The following NSRP1 variants were observed in gnomAD, a reference collection of about 807,000 sequenced individuals.
NSRP1 encodes the protein nuclear speckle splicing regulatory protein 1.
Under a neutral mutation model 54.7 loss-of-function variants are expected in NSRP1, and 24 were observed. The ratio of observed to expected loss-of-function variants is 0.44; its 90% CI spans 0.32 to 0.62. The LOEUF (loss-of-function observed/expected upper bound fraction) is 0.62, where lower values mean the gene tolerates loss of function less well. Ranked by LOEUF, NSRP1 falls within the 20% of genes least tolerant of loss-of-function variation. The probability of loss-of-function intolerance (pLI) is 0.06; values close to 1 mark genes in which losing one functional copy is unlikely to be tolerated. For synonymous variants in NSRP1, 210 were observed against 213.8 expected, an observed-to-expected ratio of 0.98 and a Z score of 0.15; for missense variants, 596 against 651.2, an observed-to-expected ratio of 0.92 and a Z score of 0.92.
At chr17:30,134,997 G>T (rs555628214) in intron 2 of NSRP1, among the ~76,000 whole-genome samples, 4 of 150,716 alleles carry the variant, frequency 2.7e-5, no homozygotes, top group African/African-American at 9.7e-5. Flanking sequence ...CCATTGTCCG[G>T]ATATATATAT....
At chr17:30,177,497 G>GA (rs1905164832) in intron 3 of NSRP1, among the ~76,000 whole-genome samples, 1 of 152,112 alleles carries the variant, frequency 6.6e-6, no homozygotes, top group African/African-American at 2.4e-5. Context: ...GGCTGGCCCT[G>GA]AAACACTGGG....
At chr17:30,142,175 G>A (rs2151888469) in intron 2 of NSRP1, among the ~76,000 whole-genome samples, 1 of 151,890 alleles carries the variant, frequency 6.6e-6, no homozygotes, top group African/African-American at 2.4e-5. Context: ...CTTTCTCACT[G>A]GTCTACATGA....
intron 2 of NSRP1, among the ~76,000 whole-genome samples, chr17:30,152,177 C>T (rs1420773580): frequency 6.6e-6 from 1 of 151,792 alleles, no homozygotes; most frequent in African/African-American, 2.4e-5. Context: ...GGCTGGAGTG[C>T]AGTGGCGCGA....
chr17:30,180,966 T>C lies in NSRP1; in HGVS notation c.567T>C (p.Asn189=). 6.2e-7 allele frequency: 1 copy of C among 1,613,844 alleles called. No individual in the cohort carries two copies. Among genetic ancestry groups the C allele is most frequent in the South Asian group, 1.1e-5 (1 of 91,072 alleles). The part of the protein sequence containing the change: ...DLSGFYRHLL[N]QAVGEEEVPK... ...GTGGATTTTATAGGCACCTATTAAATCAAGCAGTTGGTGAAGAGGAAGTAC... is the reference window on the plus strand; with the variant it reads ...GTGGATTTTATAGGCACCTATTAAACCAAGCAGTTGGTGAAGAGGAAGTAC... The change falls in exon 6 of 7, where the codon AAT becomes AAC. Residue 189 remains asparagine (N), a synonymous_variant. Coordinates refer to ENST00000247026, the MANE Select transcript of NSRP1 (RefSeq NM_032141.4).
intron 2 of NSRP1, among the ~76,000 whole-genome samples, chr17:30,156,019 T>C (rs1327298144): frequency 6.6e-6 from 1 of 151,894 alleles, no homozygotes; most frequent in Non-Finnish European, 1.5e-5. Flanking sequence ...TTTATACTTT[T>C]AGTAGAGACA....
At chr17:30,170,570 A>G (rs1597617351) in intron 2 of NSRP1, among the ~76,000 whole-genome samples, 1 of 152,120 alleles carries the variant, frequency 6.6e-6, no homozygotes, top group South Asian at 2.1e-4. Flanking sequence ...ACCATGTAGC[A>G]TAATGTCCTC....
intron 2 of NSRP1, among the ~76,000 whole-genome samples, chr17:30,157,266 C>G (rs1904342645): frequency 6.6e-6 from 1 of 151,958 alleles, no homozygotes; most frequent in Non-Finnish European, 1.5e-5. Flanking sequence ...TTTTATATAC[C>G]TGTTGGCTAC....
intron 3 of NSRP1, among the ~76,000 whole-genome samples, chr17:30,174,397 C>G (rs761949107): frequency 6.6e-6 from 1 of 152,104 alleles, no homozygotes; most frequent in Non-Finnish European, 1.5e-5. Context: ...TTTATCCATA[C>G]GAATTGAAAT....
At chr17:30,160,490 C>A (rs1006487587) in intron 2 of NSRP1, among the ~76,000 whole-genome samples, 1 of 152,034 alleles carries the variant, frequency 6.6e-6, no homozygotes, top group Admixed American at 6.5e-5. Flanking sequence ...GTTGTTTGTT[C>A]AGGTTTTCTG....
At chr17:30,143,789 A>G (rs1350016004) in intron 2 of NSRP1, among the ~76,000 whole-genome samples, 1 of 152,162 alleles carries the variant, frequency 6.6e-6, no homozygotes, top group Non-Finnish European at 1.5e-5. Flanking sequence ...CAGTAGGGTG[A>G]CTAGTCAATA....
intron 2 of NSRP1, among the ~76,000 whole-genome samples, chr17:30,164,020 TGTGTGTGTGC>T (rs61035514): frequency 0.022 from 3,288 of 152,158 alleles, 89 homozygotes; most frequent in African/African-American, 0.071. Flanking sequence ...AATGTGTATG[TGTGTGTGTGC>T]GTGTGTGCGA....
chr17:30,128,442 G>A (rs1227435766), intron 2 of NSRP1, among the ~76,000 whole-genome samples: 1 of 151,970 alleles, frequency 6.6e-6, no homozygotes, highest in East Asian at 1.9e-4. Flanking sequence ...TTTTAAAAAT[G>A]AAATGGCAAG....
intron 2 of NSRP1, chr17:30,154,710 T>A (rs2071945131): frequency 6.8e-6 from 1 of 146,736 alleles, no homozygotes; most frequent in Admixed American, 6.9e-5. Flanking sequence ...AGACCCTGTC[T>A]CAAAAAAAAA....
At position 30,118,123 on chromosome 17, in the gene NSRP1, G is replaced by C; in HGVS notation, c.64G>C (p.Val22Leu). The C allele has an allele frequency of 6.2e-7, 1 of 1,613,820 alleles. No individual in the cohort carries two copies. The highest frequency in any genetic ancestry group is 8.5e-7 in the Non-Finnish European group (1 of 1,179,856). ...AAAGAAAACACAGCAGTTGCACCCT[G>C]TTTTGCAAAAACCATCAGTGTTTGG... ...LPKKTQQLHP[V>L]LQKPSVFGND... Residue 22 changes from valine (V) to leucine (L), a missense_variant, in exon 2 of 7, where the codon GTT becomes CTT. Val to Leu is a conservative substitution (Grantham distance 32, BLOSUM62 1). Coordinates refer to ENST00000247026, the MANE Select transcript of NSRP1 (RefSeq NM_032141.4).
intron 2 of NSRP1, among the ~76,000 whole-genome samples, chr17:30,172,014 T>TCTCTCTCTCTCACA (rs144705088): frequency 0.027 from 3,472 of 130,976 alleles, 143 homozygotes; most frequent in South Asian, 0.048. Flanking sequence ...TCTCTCTCTC[T>TCTCTCTCTCTCACA]CACATGTTCA....
At chr17:30,149,758 C>G (rs577984012) in intron 2 of NSRP1, among the ~76,000 whole-genome samples, 120 of 150,678 alleles carry the variant, frequency 8.0e-4, no homozygotes, top group African/African-American at 2.8e-3. Flanking sequence ...TCACTTGAGC[C>G]CAGGAGGTCA....
chr17:30,171,821 A>G, intron 2 of NSRP1, among the ~76,000 whole-genome samples: 1 of 151,982 alleles, frequency 6.6e-6, no homozygotes, highest in Admixed American at 6.6e-5. Context: ...AGCTTGATAC[A>G]CTATATTGAG....
intron 2 of NSRP1, among the ~76,000 whole-genome samples, chr17:30,126,633 G>A (rs1282464004): frequency 6.6e-6 from 1 of 152,144 alleles, no homozygotes; most frequent in Non-Finnish European, 1.5e-5. Context: ...CTATTGCCCA[G>A]GCTGGAGTGC....
intron 2 of NSRP1, among the ~76,000 whole-genome samples, chr17:30,133,654 A>G (rs2151882524): frequency 6.6e-6 from 1 of 152,354 alleles, no homozygotes; most frequent in South Asian, 2.1e-4. Context: ...CCTAGATGGC[A>G]TCTTCTTCCA....
Sources: gnomAD v4.1 joint callset for allele counts (sites outside exome capture counted in the v4.1 genomes callset) on GRCh38, gnomAD v4.1.1 for gene constraint, MANE v1.5 for transcripts, NCBI Gene and HGNC (gene_info 2026-07-23, HGNC 2026-07-21) for gene names.